The following CMIP variants were observed in gnomAD, a reference collection of about 807,000 sequenced individuals.
CMIP encodes the protein c-Maf inducing protein, also known as C-Maf-inducing protein.
Under a neutral mutation model 97.3 loss-of-function variants are expected in CMIP, and 13 were observed. The ratio of observed to expected loss-of-function variants is 0.13; its 90% confidence interval spans 0.09 to 0.21. CMIP has a LOEUF of 0.21. CMIP is among the 10% of genes least tolerant of loss of function. The pLI is 1.00. For missense variants in CMIP, 847 were observed against 1,024.9 expected, an observed-to-expected ratio of 0.83 and a Z score of 2.37; for synonymous variants, 538 against 436.3, an observed-to-expected ratio of 1.23 and a Z score of -2.91.
chr16:81,558,494 C>T (rs938200222), intron 1 of CMIP, among the ~76,000 whole-genome samples: 1 of 152,200 alleles, frequency 6.6e-6, no homozygotes, highest in African/African-American at 2.4e-5. Context: ...TTTCCACTAA[C>T]AGCATGTAGA....
chr16:81,701,104 G>A (rs928556181), intron 15 of CMIP, among the ~76,000 whole-genome samples: 4 of 146,350 alleles, frequency 2.7e-5, no homozygotes, highest in African/African-American at 1.0e-4. Flanking sequence ...GGGCAACATA[G>A]CAAGACCTCA....
intron 1 of CMIP, among the ~76,000 whole-genome samples, chr16:81,521,089 T>TG (rs1306813902): frequency 5.3e-5 from 8 of 152,266 alleles, no homozygotes; most frequent in Non-Finnish European, 7.3e-5. Context: ...GATTTAATTT[T>TG]GGGATAAATT....
At chr16:81,502,699 C>T (rs1286245415) in intron 1 of CMIP, among the ~76,000 whole-genome samples, 1 of 152,202 alleles carries the variant, frequency 6.6e-6, no homozygotes, top group African/African-American at 2.4e-5. Flanking sequence ...TCATCATATT[C>T]CCATTGCTTT....
intron 3 of CMIP, among the ~76,000 whole-genome samples, chr16:81,632,711 T>C (rs1013764790): frequency 2.6e-5 from 4 of 152,024 alleles, no homozygotes; most frequent in Admixed American, 1.3e-4. Flanking sequence ...GGGACCAGGG[T>C]GGAGTGAGCT....
intron 1 of CMIP, among the ~76,000 whole-genome samples, chr16:81,490,661 C>A (rs906828668): frequency 3.9e-5 from 6 of 152,060 alleles, no homozygotes; most frequent in African/African-American, 1.4e-4. Flanking sequence ...GGAATAAGGG[C>A]CCTGAAGAAG....
chr16:81,619,860 AG>A (rs1269033405), intron 2 of CMIP: 1 of 152,244 alleles, frequency 6.6e-6, no homozygotes, highest in Non-Finnish European at 1.5e-5. Flanking sequence ...GTCCACACAC[AG>A]GACTCAGAGC....
chr16:81,671,169 C>T (rs1418225859), intron 8 of CMIP, among the ~76,000 whole-genome samples: 1 of 152,152 alleles, frequency 6.6e-6, no homozygotes, highest in African/African-American at 2.4e-5. Context: ...CCCATTTAAA[C>T]AAGTTCTGAA....
chr16:81,487,793 C>G (rs558835460), intron 1 of CMIP, among the ~76,000 whole-genome samples: 1 of 152,242 alleles, frequency 6.6e-6, no homozygotes, highest in Non-Finnish European at 1.5e-5. Flanking sequence ...GGAGTAAAGG[C>G]TCAAGAGCTG....
intron 1 of CMIP, among the ~76,000 whole-genome samples, chr16:81,513,272 G>T (rs1386813060): frequency 2.0e-5 from 3 of 152,228 alleles, no homozygotes; most frequent in African/African-American, 7.2e-5. Flanking sequence ...GGGGCTTCCT[G>T]CCAGCAGGCT....
chr16:81,537,256 TG>T (rs1193055341), intron 1 of CMIP, among the ~76,000 whole-genome samples: 1 of 151,974 alleles, frequency 6.6e-6, no homozygotes, highest in Non-Finnish European at 1.5e-5. Context: ...CCATATAGGC[TG>T]GGGGCGGTGG....
At chr16:81,548,752 A>T (rs1839282854) in intron 1 of CMIP, among the ~76,000 whole-genome samples, 2 of 152,104 alleles carry the variant, frequency 1.3e-5, no homozygotes, top group South Asian at 4.2e-4. Flanking sequence ...AGGCTGAGGC[A>T]GGAGGATTGC....
Position 81,655,095 on chromosome 16 carries a change from C to A in CMIP, c.640-2680C>A, listed in dbSNP as rs1022249800. 6.6e-6 allele frequency among the ~76,000 whole-genome samples: 1 copy of A among 152,222 alleles called. No homozygotes were observed. The highest frequency in any genetic ancestry group is 1.9e-4 in the East Asian group (1 of 5,192). On this transcript the variant is annotated intron_variant, in intron 4 of 20. Coordinates refer to ENST00000537098, the MANE Select transcript of CMIP (RefSeq NM_198390.3). The surrounding 1 kb of genome is among the most constrained non-coding windows in gnomAD (Gnocchi z 4.9). The stretch of plus-strand genomic sequence containing the variant: ...GCCTAACTTGCAAGGGCCTTTGATA[C>A]ATGGCCACATTTTCATTGTCATAGG...
Position 81,655,012 on chromosome 16 carries a change from C to T in CMIP, c.639+2648C>T, listed in dbSNP as rs1477383300. ...CTGTAAATTGGGTCTGAGACGAGTACCTATTTCACAGAATTGAAGATGCGA... is the reference window on the plus strand; with the variant it reads ...CTGTAAATTGGGTCTGAGACGAGTATCTATTTCACAGAATTGAAGATGCGA... On this transcript the variant is annotated intron_variant, in intron 4 of 20. Coordinates refer to ENST00000537098, the MANE Select transcript of CMIP (RefSeq NM_198390.3). The surrounding 1 kb of genome is among the most constrained non-coding windows in gnomAD (Gnocchi z 4.9). Among the ~76,000 whole-genome samples the T allele has an allele frequency of 6.6e-6, 1 of 152,176 alleles. No homozygotes were observed. The highest frequency in any genetic ancestry group is 2.4e-5 in the African/African-American group (1 of 41,430).
intron 1 of CMIP, among the ~76,000 whole-genome samples, chr16:81,571,102 G>A (rs1301730273): frequency 2.0e-5 from 3 of 152,194 alleles, no homozygotes; most frequent in African/African-American, 4.8e-5. Context: ...GTGGGTATGC[G>A]TATGGGAACT....
intron 1 of CMIP, among the ~76,000 whole-genome samples, chr16:81,494,014 G>A (rs1425866779): frequency 4.6e-5 from 7 of 152,230 alleles, no homozygotes; most frequent in Non-Finnish European, 5.9e-5. Flanking sequence ...CAACCAGTGT[G>A]AGTATGTGGA....
At chr16:81,469,200 G>A (rs1191782895) in intron 1 of CMIP, among the ~76,000 whole-genome samples, 1 of 152,166 alleles carries the variant, frequency 6.6e-6, no homozygotes, top group African/African-American at 2.4e-5. Flanking sequence ...GGGTCATTCT[G>A]GACTAGAAGC....
In CMIP at chr16:81,707,050, C is replaced by G. The variant is rs780087048; in HGVS notation, c.2234C>G (p.Thr745Ser). The G allele has an allele frequency of 6.2e-7, 1 of 1,613,832 alleles. No homozygotes were observed. Among genetic ancestry groups the G allele is most frequent in the Non-Finnish European group, 8.5e-7 (1 of 1,179,828 alleles). Reference protein sequence around the residue: ...KSLCSLNMNSTKLSADTYEDL... With the variant: ...KSLCSLNMNSSKLSADTYEDL... ...CTCTGCAGTTTAAACATGAACAGCA[C>G]CAAGCTCTCAGCTGACACCTACGAA... The change falls in exon 20 of 21, where the codon ACC becomes AGC. Residue 745 changes from threonine to serine, a missense_variant. Transcript: ENST00000537098.
At position 81,707,056 on chromosome 16, in the gene CMIP, T is replaced by C; in HGVS notation, c.2240T>C (p.Leu747Pro). 1 of 1,613,834 alleles carries C rather than the reference T, an allele frequency of 6.2e-7. No homozygotes were observed. The highest frequency in any genetic ancestry group is 8.5e-7 in the Non-Finnish European group (1 of 1,179,820). The stretch of plus-strand genomic sequence containing the variant: ...AGTTTAAACATGAACAGCACCAAGC[T>C]CTCAGCTGACACCTACGAAGATCTG... ...LCSLNMNSTKLSADTYEDLKA... is the reference protein window; with the variant it reads ...LCSLNMNSTKPSADTYEDLKA... Residue 747 changes from leucine (L) to proline (P), a missense_variant, in exon 20 of 21, where the codon CTC (leucine) becomes CCC (proline). Leu to Pro is a moderately conservative substitution (Grantham distance 98). This residue lies in a region of CMIP where 266 missense variants were observed against 384.2 expected (regional missense o/e 0.69). Transcript: ENST00000537098.
intron 3 of CMIP, among the ~76,000 whole-genome samples, chr16:81,629,399 C>G (rs908312202): frequency 2.0e-5 from 3 of 152,138 alleles, no homozygotes; most frequent in Admixed American, 6.5e-5. Flanking sequence ...TTGCACCTGA[C>G]TCCCTCACTC....
Sources: allele counts gnomAD v4.1 joint callset (sites outside exome capture counted in the v4.1 genomes callset), GRCh38; gene constraint gnomAD v4.1.1; regional missense constraint gnomAD v4.1.1; non-coding constraint Gnocchi (gnomAD v3.1); transcripts MANE v1.5; gene names NCBI Gene and HGNC (gene_info 2026-07-23, HGNC 2026-07-21).